The following ABHD5 variants were observed in gnomAD, a reference collection of about 807,000 sequenced individuals.
ABHD5 encodes abhydrolase domain containing 5, lysophosphatidic acid acyltransferase.
Under a neutral mutation model 44.9 loss-of-function variants are expected in ABHD5, and 30 were observed. The observed-to-expected ratio is 0.67, with a 90% confidence interval of 0.50 to 0.91. The LOEUF (loss-of-function observed/expected upper bound fraction) is 0.91, where lower values mean the gene tolerates loss of function less well. ABHD5 is among the 40% of genes least tolerant of loss of function. ABHD5 has a pLI of 0.00. For missense variants in ABHD5, 399 were observed against 423.4 expected, an observed-to-expected ratio of 0.94 and a Z score of 0.50; for synonymous variants, 167 against 147.0, an observed-to-expected ratio of 1.14 and a Z score of -0.99.
intron 6 of ABHD5, among the ~76,000 whole-genome samples, 188 bp downstream of exon 6, chr3:43,718,045 C>T (rs1411647541): frequency 6.6e-6 from 1 of 152,144 alleles, no homozygotes; most frequent in Non-Finnish European, 1.5e-5. Flanking sequence ...ATGTCCAAAC[C>T]GTGAACTACC....
At chr3:43,694,757 A>G (rs1392295047) in intron 1 of ABHD5, 1 of 152,200 alleles carries the variant, frequency 6.6e-6, no homozygotes, top group African/African-American at 2.4e-5. Context: ...ATGTGTTAAC[A>G]TATATTAGAG....
chr3:43,693,946 C>T (rs1471587550), intron 1 of ABHD5, among the ~76,000 whole-genome samples: 5 of 152,000 alleles, frequency 3.3e-5, no homozygotes, highest in Non-Finnish European at 1.5e-5. Context: ...TGCCTGATTC[C>T]TCAAATTTAA....
At chr3:43,704,709 T>G (rs541937675) in intron 3 of ABHD5, among the ~76,000 whole-genome samples, 1 of 152,304 alleles carries the variant, frequency 6.6e-6, no homozygotes, top group African/African-American at 2.4e-5. Flanking sequence ...TTAAAAACAT[T>G]ATAAAAGAGA....
At chr3:43,725,052 A>G (rs2084868648), downstream of ABHD5, among the ~76,000 whole-genome samples, 1 of 152,192 alleles carries the variant, frequency 6.6e-6, no homozygotes, top group South Asian at 2.1e-4. Flanking sequence ...GATTAGGGGA[A>G]GTAGGACAGG....
At chr3:43,699,973 A>G (rs1443996183) in intron 2 of ABHD5, among the ~76,000 whole-genome samples, 2 of 152,158 alleles carry the variant, frequency 1.3e-5, no homozygotes, top group Non-Finnish European at 2.9e-5. Flanking sequence ...GAAGAGTCTC[A>G]GGGACACCCC....
At position 43,711,876 on chromosome 3, in the gene ABHD5, G is replaced by A. The variant is rs2084692851; in HGVS notation, c.661+13G>A. ...GCAGGACCCTTTGGTGAGTGCTTAT[G>A]TTCTAGGAAAGCAAAATGTTTGTAA... On this transcript the variant is annotated intron_variant, in intron 4 of 6. Transcript: ENST00000644371. 6.8e-6 allele frequency: 11 copies of A among 1,613,986 alleles called. No individual in the cohort carries two copies. Among genetic ancestry groups the A allele is most frequent in the African/African-American group, 1.3e-5 (1 of 74,928 alleles).
At chr3:43,713,737 G>T (rs2084719262) in intron 4 of ABHD5, among the ~76,000 whole-genome samples, 1 of 152,104 alleles carries the variant, frequency 6.6e-6, no homozygotes, top group African/African-American at 2.4e-5. Context: ...CTAGAACACA[G>T]GTACAAAAAT....
In ABHD5 at chr3:43,717,815, C is replaced by T. The variant is rs746791416; in HGVS notation, c.918C>T (p.Thr306=). The part of the protein sequence containing the change: ...ARSCIDGNSG[T]SIQSLRPHSY... Reference sequence around the variant, plus strand: ...CCTGCATAGATGGCAATTCTGGCACCAGCATCCAGTCCTTACGACCACATT... The same window carrying T: ...CCTGCATAGATGGCAATTCTGGCACTAGCATCCAGTCCTTACGACCACATT... The change falls in exon 6 of 7, where the codon ACC becomes ACT. Residue 306 remains threonine (T), a synonymous_variant. Coordinates refer to ENST00000644371, the MANE Select transcript of ABHD5 (RefSeq NM_016006.6). 2.5e-6 allele frequency: 4 copies of T among 1,614,104 alleles called. No homozygotes were observed. Among genetic ancestry groups the T allele is most frequent in the Non-Finnish European group, 3.4e-6 (4 of 1,180,048 alleles).
intron 5 of ABHD5, 91 bp from the exon 6 acceptor site, chr3:43,717,580 C>A: frequency 7.3e-7 from 1 of 1,375,252 alleles, no homozygotes; most frequent in Non-Finnish European, 1.0e-6. Flanking sequence ...GCTGGAAAAG[C>A]TAAATATGAA....
At chr3:43,691,334 A>T (rs533982155) in intron 1 of ABHD5, 6 of 247,528 alleles carry the variant, frequency 2.4e-5, no homozygotes, top group Non-Finnish European at 4.6e-5. Flanking sequence ...TGTATAAGCC[A>T]CCCCGCGGGC....
At chr3:43,694,840 A>G (rs777556311) in intron 1 of ABHD5, 6 of 152,182 alleles carry the variant, frequency 3.9e-5, no homozygotes, top group Non-Finnish European at 7.3e-5. Flanking sequence ...ATAAAATGGC[A>G]TGTTAGTCAC....
At position 43,717,841 on chromosome 3, in the gene ABHD5, C is replaced by A; in HGVS notation, c.944C>A (p.Ser315Ter). Residue 315 changes from serine to a stop codon, truncating the protein, a stop_gained, in exon 6 of 7, where the codon TCA becomes TAA. Coordinates refer to ENST00000644371, the MANE Select transcript of ABHD5 (RefSeq NM_016006.6). LOFTEE classifies it high-confidence loss of function. ...AGCATCCAGTCCTTACGACCACATT[C>A]ATATGTGAAGACAATAGTAAGTGTG... ...GTSIQSLRPHSYVKTIAILGA... is the reference protein window; with the variant it reads ...GTSIQSLRPH 6.2e-7 allele frequency: 1 copy of A among 1,614,206 alleles called. No homozygotes were observed. The highest frequency in any genetic ancestry group is 8.5e-7 in the Non-Finnish European group (1 of 1,180,028).
chr3:43,724,635 A>G (rs568696606), downstream of ABHD5, among the ~76,000 whole-genome samples: 31 of 152,308 alleles, frequency 2.0e-4, no homozygotes, highest in Admixed American at 3.9e-4. Flanking sequence ...TCTCTATATA[A>G]GTGGCAATAT....
Position 43,722,460 on chromosome 3 carries a change from T to G in ABHD5, c.*3928T>G, listed in dbSNP as rs2084847843. ...ACTAATAAAATGATCTCCTTGTTAG[T>G]GGTGGTAGGGAGCTAGACAAGGATG... is the stretch of plus-strand genomic sequence containing the variant. On this transcript the variant is annotated 3_prime_UTR_variant, in exon 7 of 7. Transcript: ENST00000644371. The G allele has an allele frequency of 6.6e-6, 1 of 152,216 alleles. No homozygotes were observed. The highest frequency in any genetic ancestry group is 1.5e-5 in the Non-Finnish European group (1 of 68,024). The allele number at this position is 152,216 out of a possible 1,614,324, so 9.4% of individuals were successfully genotyped here.
chr3:43,696,577 T>C (rs1293339916), intron 1 of ABHD5, among the ~76,000 whole-genome samples: 1 of 152,106 alleles, frequency 6.6e-6, no homozygotes, highest in East Asian at 1.9e-4. Context: ...TTTTAAAGGG[T>C]TGAAGCAATA....
intron 3 of ABHD5, among the ~76,000 whole-genome samples, chr3:43,709,602 TG>T (rs1230283704): frequency 2.6e-5 from 4 of 152,182 alleles, no homozygotes; most frequent in Non-Finnish European, 5.9e-5. Flanking sequence ...TTTTTCTCTT[TG>T]GGAGATAAGT....
At chr3:43,700,383 A>G (rs1038684257) in intron 2 of ABHD5, among the ~76,000 whole-genome samples, 1 of 152,016 alleles carries the variant, frequency 6.6e-6, no homozygotes, top group South Asian at 2.1e-4. Flanking sequence ...TGCTGATTCT[A>G]CTTAAAGGAG....
At chr3:43,732,982 AC>A (rs1204791389) in intron 7 of ABHD5, among the ~76,000 whole-genome samples, 2 of 152,178 alleles carry the variant, frequency 1.3e-5, no homozygotes, top group Non-Finnish European at 2.9e-5. Flanking sequence ...GTTTGTTTCC[AC>A]GTGAACCTCC....
intron 3 of ABHD5, among the ~76,000 whole-genome samples, chr3:43,704,953 A>C (rs1200911250): frequency 6.6e-6 from 1 of 152,184 alleles, no homozygotes; most frequent in Admixed American, 6.5e-5. Context: ...AGTGTATTGA[A>C]TATTCAAGCT....
Sources: allele counts gnomAD v4.1 joint callset (sites outside exome capture counted in the v4.1 genomes callset), GRCh38; gene constraint gnomAD v4.1.1; transcripts MANE v1.5; gene names NCBI Gene and HGNC (gene_info 2026-07-23, HGNC 2026-07-21).